The following HCN1 variants were observed in gnomAD, a reference collection of about 807,000 sequenced individuals.
HCN1 encodes hyperpolarization activated cyclic nucleotide gated potassium channel 1, also known as potassium/sodium hyperpolarization-activated cyclic nucleotide-gated channel 1.
Under a neutral mutation model 78.9 loss-of-function variants are expected in HCN1, and 13 were observed. The ratio of observed to expected loss-of-function variants is 0.16; its 90% CI spans 0.11 to 0.26. HCN1 has a LOEUF of 0.26. Ranked by LOEUF, HCN1 falls within the 10% of genes least tolerant of loss-of-function variation. The pLI, the probability that HCN1 is intolerant of heterozygous loss-of-function variation, is 1.00. For missense variants in HCN1, 810 were observed against 1,154.3 expected (o/e 0.70, Z 4.32); for synonymous variants, 552 against 455.5 (o/e 1.21, Z -2.70).
intron 4 of HCN1, among the ~76,000 whole-genome samples, chr5:45,383,773 C>G (rs943777883): frequency 2.0e-5 from 3 of 151,178 alleles, no homozygotes; most frequent in Non-Finnish European, 4.4e-5. Flanking sequence ...TTTAATTAAT[C>G]AAAAATAACT....
At chr5:45,308,807 C>A (rs1021162444) in intron 5 of HCN1, among the ~76,000 whole-genome samples, 1 of 152,080 alleles carries the variant, frequency 6.6e-6, no homozygotes. Context: ...CATGATGCCT[C>A]CAGCTTTGTT....
chr5:45,441,916 T>C (rs573861493), intron 3 of HCN1, among the ~76,000 whole-genome samples: 173 of 152,306 alleles, frequency 1.1e-3, no homozygotes, highest in African/African-American at 4.1e-3. Context: ...GGTTAATGTA[T>C]GCTGTTTTAC....
At chr5:45,331,853 T>G (rs75098313) in intron 5 of HCN1, among the ~76,000 whole-genome samples, 4,687 of 151,516 alleles carry the variant, frequency 0.031, 105 homozygotes, top group South Asian at 0.069. Context: ...ACCATCATCA[T>G]CAGTAATTCA....
At chr5:45,324,151 G>T (rs1286849228) in intron 5 of HCN1, among the ~76,000 whole-genome samples, 1 of 151,750 alleles carries the variant, frequency 6.6e-6, no homozygotes, top group African/African-American at 2.4e-5. Context: ...CTTCCATGAT[G>T]GTTGGGATCT....
chr5:45,577,898 C>T (rs1316604574), intron 2 of HCN1, among the ~76,000 whole-genome samples: 1 of 151,972 alleles, frequency 6.6e-6, no homozygotes, highest in Non-Finnish European at 1.5e-5. Flanking sequence ...TAGTAATTTT[C>T]AAAATCGCAT....
intron 2 of HCN1, among the ~76,000 whole-genome samples, chr5:45,496,198 G>T (rs909884231): frequency 6.6e-6 from 1 of 152,140 alleles, no homozygotes; most frequent in East Asian, 1.9e-4. Flanking sequence ...CCTTGTACCT[G>T]TGGTAGAATT....
intron 2 of HCN1, among the ~76,000 whole-genome samples, chr5:45,464,838 G>A (rs904651328): frequency 1.3e-5 from 2 of 152,048 alleles, no homozygotes; most frequent in Non-Finnish European, 2.9e-5. Flanking sequence ...TTTGGAATGA[G>A]AAGGCTACTT....
intron 4 of HCN1, among the ~76,000 whole-genome samples, chr5:45,373,034 T>A (rs992866947): frequency 1.5e-5 from 2 of 136,068 alleles, no homozygotes; most frequent in African/African-American, 5.3e-5. Context: ...TTACATATAT[T>A]AAATATATAA....
At chr5:45,459,627 A>C (rs1741103459) in intron 3 of HCN1, among the ~76,000 whole-genome samples, 1 of 152,170 alleles carries the variant, frequency 6.6e-6, no homozygotes, top group South Asian at 2.1e-4. Context: ...AGATATATTA[A>C]GTAGTATATT....
chr5:45,532,037 C>A (rs1022234965), intron 2 of HCN1, among the ~76,000 whole-genome samples: 2 of 152,204 alleles, frequency 1.3e-5, no homozygotes, highest in African/African-American at 2.4e-5. Context: ...AAGACTCCGT[C>A]TCAAAATAAA....
chr5:45,350,290 T>C (rs935802169), intron 5 of HCN1, among the ~76,000 whole-genome samples: 50 of 152,168 alleles, frequency 3.3e-4, no homozygotes, highest in African/African-American at 1.2e-3. Flanking sequence ...ATTATCTCAA[T>C]AGATGCAGAA....
At chr5:45,549,656 T>C (rs1445713885) in intron 2 of HCN1, among the ~76,000 whole-genome samples, 7 of 152,120 alleles carry the variant, frequency 4.6e-5, no homozygotes, top group African/African-American at 1.7e-4. Context: ...TGGGATCTAA[T>C]TAAACTCAAG....
At chr5:45,591,117 G>A (rs1744350771) in intron 2 of HCN1, among the ~76,000 whole-genome samples, 1 of 151,946 alleles carries the variant, frequency 6.6e-6, no homozygotes, top group South Asian at 2.1e-4. Flanking sequence ...TTTCTTTTTA[G>A]TGCTGAATAA....
chr5:45,405,673 G>A (rs1245414751), intron 3 of HCN1, among the ~76,000 whole-genome samples: 1 of 152,126 alleles, frequency 6.6e-6, no homozygotes, highest in Non-Finnish European at 1.5e-5. Context: ...CTCCCAAAGT[G>A]CTGGGATTAT....
At chr5:45,659,107 G>C (rs1745858729) in intron 1 of HCN1, among the ~76,000 whole-genome samples, 1 of 152,112 alleles carries the variant, frequency 6.6e-6, no homozygotes, top group African/African-American at 2.4e-5. Flanking sequence ...CTAGAGATCT[G>C]AGAACGGGCA....
At chr5:45,328,653 CACTA>C (rs1228284734) in intron 5 of HCN1, among the ~76,000 whole-genome samples, 1 of 151,578 alleles carries the variant, frequency 6.6e-6, no homozygotes, top group Non-Finnish European at 1.5e-5. Context: ...GATTTCATCC[CACTA>C]TTTAGAATGG....
chr5:45,262,642 G>A lies in HCN1; in HGVS notation c.1952C>T (p.Ser651Leu), dbSNP rs771934361. 19 of 1,613,898 alleles carry A rather than the reference G, an allele frequency of 1.2e-5. No individual in the cohort carries two copies. Among genetic ancestry groups the A allele is most frequent in the Non-Finnish European group, 1.1e-5 (13 of 1,180,018 alleles). ...GCGGGAGGTCGGGGTCGTAGTAGAC[G>A]ATGTGGAATTCAGGGTTGTCATTTG... ...YPQMTTLNST[S>L]STTTPTSRMR... The change falls in exon 8 of 8, where the codon TCG becomes TTG. Residue 651 changes from serine (S) to leucine (L), a missense_variant. Transcript: ENST00000303230.
At chr5:45,399,359 T>A (rs570253401) in intron 3 of HCN1, among the ~76,000 whole-genome samples, 6 of 152,356 alleles carry the variant, frequency 3.9e-5, no homozygotes, top group African/African-American at 1.2e-4. Context: ...CTGCTGCTCA[T>A]GTTCACACCC....
At chr5:45,581,495 C>A (rs1426402603) in intron 2 of HCN1, among the ~76,000 whole-genome samples, 2 of 152,098 alleles carry the variant, frequency 1.3e-5, no homozygotes, top group African/African-American at 2.4e-5. Context: ...ATGGCAGTTT[C>A]TTTTGCTGTG....
Sources: gnomAD v4.1 joint callset for allele counts (sites outside exome capture counted in the v4.1 genomes callset) on GRCh38, gnomAD v4.1.1 for gene constraint, MANE v1.5 for transcripts, NCBI Gene and HGNC (gene_info 2026-07-23, HGNC 2026-07-21) for gene names.